LAMA3: variants seen among roughly 807,000 people sequenced by gnomAD.
LAMA3 encodes the protein laminin subunit alpha 3.
In LAMA3, 281 loss-of-function variants were observed where a neutral mutation model predicts 402.0. The observed-to-expected ratio is 0.70, with a 90% CI of 0.63 to 0.77. LAMA3 has a LOEUF of 0.77. Ranked by LOEUF, LAMA3 falls within the 30% of genes least tolerant of loss-of-function variation. LAMA3 has a pLI of 0.00. For synonymous variants in LAMA3, 1,431 were observed against 1,558.4 expected (o/e 0.92, Z 1.93); for missense variants, 3,840 against 4,215.5 (o/e 0.91, Z 2.47).
At position 23,842,487 on chromosome 18, in the gene LAMA3, G is replaced by A. The variant is rs1290064127; in HGVS notation, c.3429G>A (p.Ala1143=). 8.1e-6 allele frequency: 13 copies of A among 1,614,100 alleles called. No homozygotes were observed. Among genetic ancestry groups the A allele is most frequent in the East Asian group, 2.2e-5 (1 of 44,894 alleles). ...FYQAAHPTFP[A]QVSVDGGWPR... is the part of the protein sequence containing the mutation. ...AAGCAGCGCACCCGACGTTTCCCGC[G>A]CAGGTGTCGGTGGATGGCGGGTGGC... The change falls in exon 28 of 75, where the codon GCG becomes GCA. Residue 1143 remains alanine, a synonymous_variant. Coordinates refer to ENST00000313654, the MANE Select transcript of LAMA3 (RefSeq NM_198129.4).
chr18:23,798,758 G>A (rs2062814265), intron 12 of LAMA3, among the ~76,000 whole-genome samples: 2 of 152,232 alleles, frequency 1.3e-5, no homozygotes, highest in African/African-American at 4.8e-5. Flanking sequence ...GATAAGTACT[G>A]TGGAACTGAT....
At chr18:23,924,471 T>G (rs1331525392) in intron 62 of LAMA3, among the ~76,000 whole-genome samples, 1 of 151,616 alleles carries the variant, frequency 6.6e-6, no homozygotes, top group Admixed American at 6.6e-5. Context: ...CTTAGTAACT[T>G]ATTTTGGGAT....
chr18:23,796,859 G>A (rs2062772872), intron 12 of LAMA3, among the ~76,000 whole-genome samples: 1 of 152,100 alleles, frequency 6.6e-6, no homozygotes, highest in South Asian at 2.1e-4. Context: ...TTTTGGTAGA[G>A]TTGATTTGGA....
intron 17 of LAMA3, 117 bp downstream of exon 17, chr18:23,815,690 A>G: frequency 1.3e-6 from 1 of 772,368 alleles, no homozygotes. Context: ...AATGGCCCTG[A>G]AACATTCTGT....
intron 60 of LAMA3, among the ~76,000 whole-genome samples, chr18:23,919,341 G>A (rs2081750721): frequency 6.6e-6 from 1 of 152,176 alleles, no homozygotes; most frequent in South Asian, 2.1e-4. Context: ...GTCAGAAATT[G>A]CTCAGCTTAT....
chr18:23,726,155 C>G (rs2061296720), intron 2 of LAMA3, among the ~76,000 whole-genome samples: 1 of 152,184 alleles, frequency 6.6e-6, no homozygotes, highest in African/African-American at 2.4e-5. Context: ...GGCAAGGAAG[C>G]CCAGAGCCGG....
chr18:23,820,963 C>A (rs1327362312), intron 19 of LAMA3, among the ~76,000 whole-genome samples: 1 of 152,184 alleles, frequency 6.6e-6, no homozygotes, highest in Non-Finnish European at 1.5e-5. Flanking sequence ...TCTTAAGACA[C>A]TTCACTCTTT....
chr18:23,709,268 T>G (rs2060944873), intron 1 of LAMA3, among the ~76,000 whole-genome samples: 1 of 152,012 alleles, frequency 6.6e-6, no homozygotes, highest in Non-Finnish European at 1.5e-5. Context: ...AGACGGGGTT[T>G]CTCCATGTTG....
intron 18 of LAMA3, among the ~76,000 whole-genome samples, chr18:23,817,046 G>A (rs1032724622): frequency 2.0e-5 from 3 of 152,188 alleles, no homozygotes; most frequent in South Asian, 4.1e-4. Context: ...GAGTGAGGAA[G>A]TAGAGAGGCC....
At chr18:23,830,360 A>C (rs1474791393) in intron 23 of LAMA3, among the ~76,000 whole-genome samples, 1 of 152,062 alleles carries the variant, frequency 6.6e-6, no homozygotes, top group Non-Finnish European at 1.5e-5. Context: ...CCTTCACAAC[A>C]AAACTCCTCC....
In LAMA3 at chr18:23,867,749, C is replaced by A. The variant is rs529785979; in HGVS notation, c.4684-85C>A. On this transcript the variant is annotated intron_variant, in intron 36 of 74. Transcript: ENST00000313654. ...AGTCAGGTATGTCATATGATGTAGA[C>A]CATAGAAATGTTTTCTTAGATCAGT... 9.7e-6 allele frequency: 10 copies of A among 1,027,598 alleles called. No homozygotes were observed. In the Admixed American group the frequency reaches 1.5e-4, roughly 16 times the overall value. The allele number at this position is 1,027,598 out of a possible 1,614,324, so 63.7% of individuals were successfully genotyped here.
intron 2 of LAMA3, among the ~76,000 whole-genome samples, chr18:23,722,956 C>T (rs1387384745): frequency 6.6e-6 from 1 of 152,082 alleles, no homozygotes; most frequent in Non-Finnish European, 1.5e-5. Context: ...CAGAGTTTGG[C>T]ATCACATGGG....
intron 54 of LAMA3, 83 bp from the exon 55 acceptor site, chr18:23,909,069 GA>G: frequency 7.4e-7 from 1 of 1,354,324 alleles, no homozygotes; most frequent in Non-Finnish European, 1.1e-6. Context: ...CATGCCACTT[GA>G]CAAATACTGT....
intron 41 of LAMA3, among the ~76,000 whole-genome samples, chr18:23,886,802 G>T (rs1377222658): frequency 6.6e-6 from 1 of 152,212 alleles, no homozygotes; most frequent in African/African-American, 2.4e-5. Context: ...TATGGATAAG[G>T]TGGGACTTTG....
chr18:23,733,240 T>C (rs191104044), intron 2 of LAMA3, among the ~76,000 whole-genome samples: 18 of 152,334 alleles, frequency 1.2e-4, no homozygotes, highest in Admixed American at 1.0e-3. Context: ...GCATTATCTT[T>C]GCTTGGAATA....
chr18:23,943,376 A>C (rs1342332994), intron 68 of LAMA3, among the ~76,000 whole-genome samples: 1 of 152,238 alleles, frequency 6.6e-6, no homozygotes, highest in Non-Finnish European at 1.5e-5. Context: ...ATTGTACAAC[A>C]ATCTGAATGT....
chr18:23,760,339 T>G (rs1417055705), intron 7 of LAMA3, among the ~76,000 whole-genome samples: 1 of 152,160 alleles, frequency 6.6e-6, no homozygotes, highest in East Asian at 1.9e-4. Flanking sequence ...TATAAATGTC[T>G]TGATTTTTTA....
intron 60 of LAMA3, 23 bp from the exon 61 acceptor site, chr18:23,920,912 T>G: frequency 3.1e-6 from 5 of 1,613,634 alleles, no homozygotes; most frequent in Non-Finnish European, 4.2e-6. Flanking sequence ...CTTCTGGTCA[T>G]CTGCATTGTT....
chr18:23,736,934 C>A (rs1409728320), intron 2 of LAMA3, among the ~76,000 whole-genome samples: 1 of 152,150 alleles, frequency 6.6e-6, no homozygotes, highest in South Asian at 2.1e-4. Context: ...TACCACCTAC[C>A]CTCTTAAGAC....
Sources: gnomAD v4.1 joint callset for allele counts (sites outside exome capture counted in the v4.1 genomes callset) on GRCh38, gnomAD v4.1.1 for gene constraint, MANE v1.5 for transcripts, NCBI Gene and HGNC (gene_info 2026-07-23, HGNC 2026-07-21) for gene names.